Variants in API5 observed in about 807,000 individuals in gnomAD.
The protein encoded by API5 is apoptosis inhibitor 5.
API5 carries 6 observed loss-of-function variants against 71.9 expected under a neutral mutation model. The ratio of observed to expected loss-of-function variants is 0.08; its 90% CI spans 0.05 to 0.16. API5 has a LOEUF of 0.16. API5 is among the 10% of genes least tolerant of loss of function. The pLI, the probability that API5 is intolerant of heterozygous loss-of-function variation, is 1.00. For missense variants in API5, 332 were observed against 612.8 expected, an observed-to-expected ratio of 0.54 and a Z score of 4.84; for synonymous variants, 189 against 221.3, an observed-to-expected ratio of 0.85 and a Z score of 1.30.
At chr11:43,332,823 G>C (rs1291314172) in intron 11 of API5, among the ~76,000 whole-genome samples, 2 of 152,110 alleles carry the variant, frequency 1.3e-5, no homozygotes, top group East Asian at 3.9e-4. Context: ...CTCCTCCCTG[G>C]AGGTGGGGTT....
chr11:43,327,936 A>T (rs1855129469), intron 8 of API5, 58 bp downstream of exon 8: 4 of 1,046,820 alleles, frequency 3.8e-6, no homozygotes, highest in Non-Finnish European at 5.4e-6. Context: ...AGTCTAATTT[A>T]TTATTAATTT....
chr11:43,321,444 C>T lies in API5; in HGVS notation c.359C>T (p.Ala120Val). ...DSAEFNLVNN[A>V]LLSIFKMDAK... is the part of the protein sequence containing the mutation. Reference sequence around the variant, plus strand: ...GCAGAATTTAACCTAGTGAACAATGCCCTATTAAGTATATTTAAAATGGAT... The same window carrying T: ...GCAGAATTTAACCTAGTGAACAATGTCCTATTAAGTATATTTAAAATGGAT... The change falls in exon 4 of 14, where the codon GCC (alanine) becomes GTC (valine). Residue 120 changes from alanine (A) to valine (V), a missense_variant. Ala to Val is a moderately conservative substitution (Grantham distance 64). Around this residue, in one of 3 missense-constraint regions of API5, gnomAD observed 127 missense variants for 237.6 expected, o/e 0.53. Coordinates refer to ENST00000531273, the MANE Select transcript of API5 (RefSeq NM_001142930.2). 1 of 1,611,376 alleles carries T rather than the reference C, an allele frequency of 6.2e-7. No homozygotes were observed. The highest frequency in any genetic ancestry group is 8.5e-7 in the Non-Finnish European group (1 of 1,178,584).
Position 43,336,135 on chromosome 11 carries a change from T to C in API5, c.1492+141T>C, listed in dbSNP as rs565550792. The C allele has an allele frequency of 2.0e-5, 22 of 1,123,616 alleles. No homozygotes were observed. In the South Asian group the frequency reaches 2.5e-4, roughly 13 times the overall value. 69.6% of individuals were successfully genotyped at this position (1,123,616 alleles called of 1,614,324 possible). On this transcript the variant is annotated intron_variant, in intron 13 of 13. Transcript: ENST00000531273. ...AATTAGCTTGGAGAACTAGGGCTGTTGAGGAAATGATTTATCCCATTCCTC... is the reference window on the plus strand; with the variant it reads ...AATTAGCTTGGAGAACTAGGGCTGTCGAGGAAATGATTTATCCCATTCCTC...
Position 43,327,891 on chromosome 11 carries a change from T to A in API5, c.945+13T>A, listed in dbSNP as rs574633866. On this transcript the variant is annotated intron_variant, in intron 8 of 13. Coordinates refer to ENST00000531273, the MANE Select transcript of API5 (RefSeq NM_001142930.2). Reference sequence around the variant, plus strand: ...TGATAAGTTATTGGTAAGAACTTTTTCCTTTCCTTATGGGATAGTCAGTAT... The same window carrying A: ...TGATAAGTTATTGGTAAGAACTTTTACCTTTCCTTATGGGATAGTCAGTAT... The A allele has an allele frequency of 7.6e-6, 12 of 1,570,164 alleles. No homozygotes were observed. The South Asian group carries it at 9.0e-5, about 12-fold the overall frequency.
intron 7 of API5, among the ~76,000 whole-genome samples, chr11:43,327,565 C>G (rs1855115087): frequency 6.6e-6 from 1 of 152,218 alleles, no homozygotes; most frequent in East Asian, 1.9e-4. Flanking sequence ...TGCCCTGCCA[C>G]TTACACCCTG....
rs117975980 is a variant in API5, at chr11:43,327,165, G to A, written c.855+554G>A. ...GAATTGGACTGAAATATGGAAATGC[G>A]TGTGCCATTTCCCTCATGGGTCTTT... On this transcript the variant is annotated intron_variant, in intron 7 of 13. Coordinates refer to ENST00000531273, the MANE Select transcript of API5 (RefSeq NM_001142930.2). Among the ~76,000 whole-genome samples the A allele has an allele frequency of 4.0e-4, 61 of 152,344 alleles. 2 individuals are homozygous for A. In the East Asian group the frequency reaches 0.011, roughly 28 times the overall value.
intron 11 of API5, among the ~76,000 whole-genome samples, chr11:43,330,837 T>G (rs560540734): frequency 6.6e-6 from 1 of 152,266 alleles, no homozygotes; most frequent in South Asian, 2.1e-4. Context: ...AATGAAATGT[T>G]TTTCTGTGTT....
chr11:43,337,814 C>T (rs989656779), intron 13 of API5, among the ~76,000 whole-genome samples: 33 of 152,164 alleles, frequency 2.2e-4, no homozygotes, highest in African/African-American at 7.5e-4. Context: ...AAGAATTGTA[C>T]TCCTTTTTAT....
intron 13 of API5, among the ~76,000 whole-genome samples, chr11:43,339,731 C>A (rs1433643232): frequency 6.6e-6 from 1 of 152,146 alleles, no homozygotes; most frequent in Non-Finnish European, 1.5e-5. Flanking sequence ...GCCTTTAGAT[C>A]TACATTTGTG....
chr11:43,336,341 C>T (rs925877626), intron 13 of API5: 6 of 333,034 alleles, frequency 1.8e-5, no homozygotes, highest in Non-Finnish European at 3.3e-5. Flanking sequence ...CATTCTCCCT[C>T]AGGGATGGGT....
In API5 at chr11:43,328,860, T is replaced by G; in HGVS notation, c.1094T>G (p.Leu365Arg). The change falls in exon 9 of 14, where the codon CTG becomes CGG. Residue 365 changes from leucine (L) to arginine (R), a missense_variant. Physicochemically the swap from Leu to Arg is moderately radical, Grantham distance 102. Coordinates refer to ENST00000531273, the MANE Select transcript of API5 (RefSeq NM_001142930.2). ...CTTCCAGATTTCTTAACAGCCAAAC[T>G]GAATGCAGAAAAGCTCAAAGATTTC... ...RKLPDFLTAK[L>R]NAEKLKDFKI... The G allele has an allele frequency of 1.2e-6, 2 of 1,614,040 alleles. 1 individual carries two copies. Among genetic ancestry groups the G allele is most frequent in the South Asian group, 2.2e-5 (2 of 91,090 alleles).
intron 11 of API5, among the ~76,000 whole-genome samples, chr11:43,333,757 A>T (rs1371883931): frequency 6.6e-6 from 1 of 152,162 alleles, no homozygotes; most frequent in Non-Finnish European, 1.5e-5. Flanking sequence ...GTTTAAGTAA[A>T]GAGTAGACTC....
chr11:43,316,828 A>AT (rs1854689640), intron 1 of API5, among the ~76,000 whole-genome samples: 1 of 151,892 alleles, frequency 6.6e-6, no homozygotes, highest in Non-Finnish European at 1.5e-5. Flanking sequence ...TTAATTTTAT[A>AT]TTTTTTGGAG....
intron 2 of API5, among the ~76,000 whole-genome samples, chr11:43,319,174 G>A (rs949006168): frequency 7.2e-5 from 11 of 152,248 alleles, no homozygotes; most frequent in Non-Finnish European, 1.6e-4. Context: ...ATCATAAAAT[G>A]TAGTTTCACT....
intron 1 of API5, among the ~76,000 whole-genome samples, chr11:43,318,183 T>C (rs1854741555): frequency 6.6e-6 from 1 of 151,394 alleles, no homozygotes; most frequent in Non-Finnish European, 1.5e-5. Flanking sequence ...CTAATTTTTG[T>C]GTTTTAGTAG....
Position 43,335,985 on chromosome 11 carries a change from T to A in API5, c.1483T>A (p.Phe495Ile). 6.2e-7 allele frequency: 1 copy of A among 1,614,040 alleles called. No individual in the cohort carries two copies. The highest frequency in any genetic ancestry group is 8.5e-7 in the Non-Finnish European group (1 of 1,179,984). Residue 495 changes from phenylalanine to isoleucine, a missense_variant, in exon 13 of 14, where the codon TTT (phenylalanine) becomes ATT (isoleucine). Phe to Ile is a conservative substitution (Grantham distance 21). Coordinates refer to ENST00000531273, the MANE Select transcript of API5 (RefSeq NM_001142930.2). ...GAAATATAGCAGCAATTTGGGCAAC[T>A]TTAATTATGGTGAGCGTTTCCGTTT... ...SGKYSSNLGNFNYEQRGAFRG... is the reference protein window; with the variant it reads ...SGKYSSNLGNINYEQRGAFRG...
chr11:43,330,360 C>T, intron 10 of API5, 148 bp from the exon 11 acceptor site: 1 of 697,068 alleles, frequency 1.4e-6, no homozygotes, highest in South Asian at 1.6e-5. Context: ...TAGGAATACG[C>T]ATTATCTATA....
At chr11:43,325,807 AC>A (rs1158950081) in intron 6 of API5, among the ~76,000 whole-genome samples, 1 of 152,148 alleles carries the variant, frequency 6.6e-6, no homozygotes, top group Non-Finnish European at 1.5e-5. Flanking sequence ...GCAAAAAGAG[AC>A]CAGTTAAGAG....
intron 4 of API5, 102 bp downstream of exon 4, chr11:43,321,578 A>G: frequency 6.4e-6 from 6 of 941,354 alleles, no homozygotes; most frequent in South Asian, 5.4e-5. Flanking sequence ...CCAGAGTTCT[A>G]TTTCATAAAA....
Sources: gnomAD v4.1 joint callset for allele counts (sites outside exome capture counted in the v4.1 genomes callset) on GRCh38, gnomAD v4.1.1 for gene constraint, gnomAD v4.1.1 regional missense constraint, MANE v1.5 for transcripts, NCBI Gene and HGNC (gene_info 2026-07-23, HGNC 2026-07-21) for gene names.